Variants in C3orf52 observed in about 807,000 individuals in gnomAD.
C3orf52 encodes the protein chromosome 3 open reading frame 52.
C3orf52 carries 22 observed loss-of-function variants against 24.8 expected under a neutral mutation model. That is an observed-to-expected ratio of 0.89 (90% CI 0.63 to 1.27). C3orf52 has a LOEUF of 1.27. Among genes scored for constraint, C3orf52 ranks in the 50% most tolerant of loss-of-function variants. The probability of loss-of-function intolerance (pLI) is 0.00; values close to 1 mark genes in which losing one functional copy is unlikely to be tolerated. For synonymous variants in C3orf52, 93 were observed against 100.2 expected, an observed-to-expected ratio of 0.93 and a Z score of 0.43; for missense variants, 265 against 260.7, an observed-to-expected ratio of 1.02 and a Z score of -0.11.
rs778603271 is a variant in C3orf52, at chr3:112,102,822, C to A, written c.269-16C>A. 6 of 1,542,760 alleles carry A rather than the reference C, an allele frequency of 3.9e-6. No individual in the cohort carries two copies. The highest frequency in any genetic ancestry group is 5.2e-6 in the Non-Finnish European group (6 of 1,144,404). On this transcript the variant is annotated splice_polypyrimidine_tract_variant and intron_variant, in intron 2 of 5. Transcript: ENST00000264848. The stretch of plus-strand genomic sequence containing the variant: ...TTACTTTTGTTTTTCATTTCCACCT[C>A]CCCTACTTTCTTTAGTAACTTATGT...
In C3orf52 at chr3:112,090,624, G is replaced by A. The variant is rs923053526; in HGVS notation, c.139-2736G>A. Among the ~76,000 whole-genome samples, 9 of 152,202 alleles carry A rather than the reference G, an allele frequency of 5.9e-5. No individual in the cohort carries two copies. In the East Asian group the frequency reaches 9.7e-4, roughly 16 times the overall value. On this transcript the variant is annotated intron_variant, in intron 1 of 5. Transcript: ENST00000264848. ...GGAAGAGGCATTTCCTATAGATGAC[G>A]GCTGTAAAATTTTAAGCTGAGTTCC...
At chr3:112,120,554 G>T (rs1284642359), downstream of C3orf52, among the ~76,000 whole-genome samples, 1 of 152,170 alleles carries the variant, frequency 6.6e-6, no homozygotes, top group African/African-American at 2.4e-5. Flanking sequence ...GGCATAAATT[G>T]TGCCTCTGAA....
At position 112,097,061 on chromosome 3, in the gene C3orf52, G is replaced by GA. The variant is rs2073933008; in HGVS notation, c.268+3576dup. Among the ~76,000 whole-genome samples, 4 of 152,258 alleles carry GA rather than the reference G, an allele frequency of 2.6e-5. No individual in the cohort carries two copies. In the South Asian group the frequency reaches 8.3e-4, roughly 32 times the overall value. On this transcript the variant is annotated intron_variant, in intron 2 of 5. Transcript: ENST00000264848. ...ATTCTGTTATTTGAGACTCTTTAGG[G>GA]AAAAGGTATTAATGGATTCTTTCCT...
chr3:112,127,871 G>A, intron 4 of C3orf52: 1 of 657,468 alleles, frequency 1.5e-6, no homozygotes, highest in Non-Finnish European at 2.8e-6. Context: ...TGGAAGGATT[G>A]CTTCCCTGAT....
Position 112,096,236 on chromosome 3 carries a change from A to G in C3orf52, c.268+2747A>G, listed in dbSNP as rs150272838. 1.4e-3 allele frequency among the ~76,000 whole-genome samples: 219 copies of G among 152,334 alleles called. 1 individual carries two copies. The highest frequency in any genetic ancestry group is 0.01 in the Middle Eastern group (3 of 294). On this transcript the variant is annotated intron_variant, in intron 2 of 5. Transcript: ENST00000264848. ...AAAGGCTGAGGAAGCTGAGAGGCTA[A>G]AGAAAAACTGACAAATCCAGTTACT... is the stretch of plus-strand genomic sequence containing the variant.
chr3:112,096,646 G>C (rs763392633), intron 2 of C3orf52, among the ~76,000 whole-genome samples: 16 of 152,116 alleles, frequency 1.1e-4, no homozygotes, highest in Non-Finnish European at 1.8e-4. Flanking sequence ...CATAAAATGG[G>C]ACAGTGAAAG....
intron 2 of C3orf52, among the ~76,000 whole-genome samples, chr3:112,101,810 G>A (rs1003606237): frequency 6.6e-6 from 1 of 152,064 alleles, no homozygotes; most frequent in African/African-American, 2.4e-5. Flanking sequence ...TCCCACCTAC[G>A]CCTTTCTCAG....
At chr3:112,107,430 A>G (rs2074036325) in intron 3 of C3orf52, among the ~76,000 whole-genome samples, 1 of 152,204 alleles carries the variant, frequency 6.6e-6, no homozygotes, top group Admixed American at 6.5e-5. Context: ...CTGTCAGCCT[A>G]TCGGCAACAT....
intron 3 of C3orf52, among the ~76,000 whole-genome samples, chr3:112,107,706 T>A (rs1010065210): frequency 6.6e-6 from 1 of 152,246 alleles, no homozygotes; most frequent in Non-Finnish European, 1.5e-5. Flanking sequence ...AATGGAGTGC[T>A]GTTTAATTTT....
intron 1 of C3orf52, among the ~76,000 whole-genome samples, chr3:112,090,706 G>T (rs576788164): frequency 2.6e-5 from 4 of 152,106 alleles, no homozygotes; most frequent in Non-Finnish European, 4.4e-5. Context: ...GTCCTAATTT[G>T]TGATCTCTAA....
chr3:112,097,623 A>C (rs961530971), intron 2 of C3orf52, among the ~76,000 whole-genome samples: 16 of 152,184 alleles, frequency 1.1e-4, no homozygotes, highest in Non-Finnish European at 4.4e-5. Context: ...AGGGTGACTC[A>C]TGGGAAAATC....
chr3:112,092,713 T>C (rs2107775322), intron 1 of C3orf52, among the ~76,000 whole-genome samples: 1 of 152,342 alleles, frequency 6.6e-6, no homozygotes, highest in East Asian at 1.9e-4. Flanking sequence ...ACTCCAGCCT[T>C]CTCACTCCAG....
At chr3:112,096,525 A>G (rs2073928636) in intron 2 of C3orf52, among the ~76,000 whole-genome samples, 1 of 152,252 alleles carries the variant, frequency 6.6e-6, no homozygotes, top group African/African-American at 2.4e-5. Flanking sequence ...AGTAGATGAA[A>G]TAGAAATCTT....
At chr3:112,103,366 A>G (rs946615716) in intron 3 of C3orf52, among the ~76,000 whole-genome samples, 2 of 152,200 alleles carry the variant, frequency 1.3e-5, no homozygotes, top group Non-Finnish European at 2.9e-5. Flanking sequence ...CTGAGCCTAA[A>G]ATAAAACTTT....
chr3:112,130,458 G>C, downstream of C3orf52: 1 of 1,613,960 alleles, frequency 6.2e-7, no homozygotes, highest in East Asian at 2.2e-5. Context: ...GATGTTCTCT[G>C]TTTGGGGCTT....
At chr3:112,129,815 A>G (rs988171975), downstream of C3orf52, 1 of 152,240 alleles carries the variant, frequency 6.6e-6, no homozygotes, top group African/African-American at 2.4e-5. Flanking sequence ...TCTCCTCCTG[A>G]AACCATGTGA....
Position 112,093,400 on chromosome 3 carries a change from T to C in C3orf52, c.179T>C (p.Val60Ala). 6.2e-7 allele frequency: 1 copy of C among 1,613,918 alleles called. No individual in the cohort carries two copies. The highest frequency in any genetic ancestry group is 8.5e-7 in the Non-Finnish European group (1 of 1,179,824). The change falls in exon 2 of 6, where the codon GTG (valine) becomes GCG (alanine). Residue 60 changes from valine to alanine, a missense_variant. Coordinates refer to ENST00000264848, the MANE Select transcript of C3orf52 (RefSeq NM_024616.3). ...ESPWSSCNKN[V>A]VGRCKLWMII... Reference sequence around the variant, plus strand: ...CCCTGGAGCTCCTGTAATAAGAATGTGGTTGGAAGATGCAAACTGTGGATG... The same window carrying C: ...CCCTGGAGCTCCTGTAATAAGAATGCGGTTGGAAGATGCAAACTGTGGATG...
chr3:112,094,006 T>C (rs907039522), intron 2 of C3orf52, among the ~76,000 whole-genome samples: 2 of 152,180 alleles, frequency 1.3e-5, no homozygotes, highest in Non-Finnish European at 2.9e-5. Context: ...TATTTATTTT[T>C]TTTTTTGAGA....
chr3:112,102,232 G>A (rs914885346), intron 2 of C3orf52, among the ~76,000 whole-genome samples: 4 of 152,138 alleles, frequency 2.6e-5, no homozygotes, highest in Admixed American at 6.5e-5. Flanking sequence ...CTTCTTCATG[G>A]TGGTCTTTGC....
Sources: allele counts gnomAD v4.1 joint callset (sites outside exome capture counted in the v4.1 genomes callset), GRCh38; gene constraint gnomAD v4.1.1; transcripts MANE v1.5; gene names NCBI Gene and HGNC (gene_info 2026-07-23, HGNC 2026-07-21).